The following MSH3 variants were observed in gnomAD, a reference collection of about 807,000 sequenced individuals.
The protein encoded by MSH3 is DNA mismatch repair protein Msh3.
MSH3 carries 106 observed loss-of-function variants against 123.3 expected under a neutral mutation model. The ratio of observed to expected loss-of-function variants is 0.86; its 90% CI spans 0.73 to 1.01. MSH3 has a LOEUF of 1.01. Among genes scored for constraint, MSH3 ranks in the 50% least tolerant of loss-of-function variants. The probability of loss-of-function intolerance (pLI) is 0.00; values close to 1 mark genes in which losing one functional copy is unlikely to be tolerated. For synonymous variants in MSH3, 515 were observed against 481.4 expected (o/e 1.07, Z -0.91); for missense variants, 1,459 against 1,347.6 (o/e 1.08, Z -1.29).
intron 20 of MSH3, among the ~76,000 whole-genome samples, chr5:80,844,644 C>G (rs928136334): frequency 1.3e-5 from 2 of 152,092 alleles, no homozygotes; most frequent in East Asian, 3.8e-4. Flanking sequence ...ATCCCTTTAC[C>G]ACTGTGTAAT....
intron 20 of MSH3, among the ~76,000 whole-genome samples, chr5:80,845,994 C>T (rs764045476): frequency 3.9e-5 from 6 of 152,070 alleles, no homozygotes; most frequent in African/African-American, 1.4e-4. Flanking sequence ...CTCTGGTTTT[C>T]GGAAGTTTCT....
rs1680563146 is a variant in MSH3, at chr5:80,670,291, C to T, written c.774C>T (p.Phe258=). The part of the protein sequence containing the change: ...LCVECGYKYR[F]FGEDAEIAAR... Reference sequence around the variant, plus strand: ...TGGAATGTGGATATAAGTATAGATTCTTTGGGGAAGATGCAGAGGTAAGTC... The same window carrying T: ...TGGAATGTGGATATAAGTATAGATTTTTTGGGGAAGATGCAGAGGTAAGTC... Residue 258 remains phenylalanine (F), a synonymous_variant, in exon 4 of 24, where the codon TTC becomes TTT. Coordinates refer to ENST00000265081, the MANE Select transcript of MSH3 (RefSeq NM_002439.5). 2.5e-6 allele frequency: 4 copies of T among 1,613,934 alleles called. 1 individual carries two copies. The Admixed American group carries it at 6.7e-5, about 27-fold the overall frequency.
At chr5:80,666,729 G>A (rs1677639) in intron 3 of MSH3, among the ~76,000 whole-genome samples, 41,991 of 151,912 alleles carry the variant, frequency 0.28, 5,986 homozygotes, top group Middle Eastern at 0.35. Context: ...CATTATTACA[G>A]GTGATAAGCT....
chr5:80,752,733 A>G (rs539455469), intron 12 of MSH3, among the ~76,000 whole-genome samples: 2 of 152,312 alleles, frequency 1.3e-5, no homozygotes, highest in South Asian at 4.1e-4. Context: ...TTAGAATACC[A>G]AAAAATTGGA....
intron 21 of MSH3, chr5:80,855,873 C>CTTTTTTTTTTTTTTTT (rs5869058): frequency 1.4e-4 from 15 of 107,134 alleles, no homozygotes; most frequent in South Asian, 3.3e-4. Context: ...TCCTCCTCCT[C>CTTTTTTTTTTTTTTTT]TTTTTTTTTT....
chr5:80,761,774 T>C (rs1434832868), intron 13 of MSH3, 96 bp downstream of exon 13: 2 of 1,374,228 alleles, frequency 1.5e-6, no homozygotes, highest in Admixed American at 3.7e-5. Context: ...ATTATTATTT[T>C]ATTTTGTAAA....
At chr5:80,729,595 T>G (rs1228583104) in intron 10 of MSH3, among the ~76,000 whole-genome samples, 2 of 152,172 alleles carry the variant, frequency 1.3e-5, no homozygotes, top group South Asian at 2.1e-4. Context: ...AAAGCATTCA[T>G]AAAAATTTAC....
At chr5:80,771,017 A>T (rs1744205609) in intron 15 of MSH3, among the ~76,000 whole-genome samples, 1 of 152,226 alleles carries the variant, frequency 6.6e-6, no homozygotes, top group African/African-American at 2.4e-5. Flanking sequence ...TTTGAGGAAC[A>T]AAGTTTCTTC....
Position 80,656,366 on chromosome 5 carries a change from C to T in MSH3, c.238-45C>T, listed in dbSNP as rs760301788. ...AATTGCTTCACATACGTCAGGCCTTCTCAGAGTAGAGATAACACATCATTT... is the reference window on the plus strand; with the variant it reads ...AATTGCTTCACATACGTCAGGCCTTTTCAGAGTAGAGATAACACATCATTT... On this transcript the variant is annotated intron_variant, in intron 1 of 23. Transcript: ENST00000265081. 5.6e-6 allele frequency: 9 copies of T among 1,612,566 alleles called. No homozygotes were observed. The Admixed American group carries it at 1.3e-4, about 24-fold the overall frequency.
chr5:80,809,393 C>G (rs1744966983), intron 19 of MSH3, among the ~76,000 whole-genome samples: 1 of 151,948 alleles, frequency 6.6e-6, no homozygotes. Context: ...ATTATTGATT[C>G]TTATTGTGTG....
chr5:80,865,085 G>C, intron 22 of MSH3, 143 bp downstream of exon 22: 1 of 909,306 alleles, frequency 1.1e-6, no homozygotes, highest in South Asian at 1.4e-5. Flanking sequence ...ATTCATTTTT[G>C]CTAAGCTTTA....
rs761077637 is a variant in MSH3 at position 80,768,107 on chromosome 5, G to A, written c.2071G>A (p.Glu691Lys). ...PVEHYLKILN[E>K]QAAKVGDKTE... The stretch of plus-strand genomic sequence containing the variant: ...GGAGCATTACTTAAAGATACTCAAT[G>A]AACAAGCTGCCAAGTAAGTACCAGA... Residue 691 changes from glutamate to lysine, a missense_variant, in exon 14 of 24, where the codon GAA becomes AAA. Coordinates refer to ENST00000265081, the MANE Select transcript of MSH3 (RefSeq NM_002439.5). 6.2e-7 allele frequency: 1 copy of A among 1,613,614 alleles called. No individual in the cohort carries two copies. The highest frequency in any genetic ancestry group is 2.2e-5 in the East Asian group (1 of 44,818).
At position 80,761,762 on chromosome 5, in the gene MSH3, C is replaced by G. The variant is rs878932925; in HGVS notation, c.1896+84C>G. On this transcript the variant is annotated intron_variant, in intron 13 of 23. Transcript: ENST00000265081. ...TATTAAAAGAAAACTTTTGAGAGCT[C>G]TATTATTATTTTATTTTGTAAAATC... The G allele has an allele frequency of 5.0e-5, 72 of 1,434,678 alleles. 1 individual carries two copies. In the South Asian group the frequency reaches 6.2e-4, roughly 12 times the overall value. The allele number at this position is 1,434,678 out of a possible 1,614,324, so 88.9% of individuals were successfully genotyped here.
chr5:80,771,477 CAAAA>C (rs61460666), intron 15 of MSH3, among the ~76,000 whole-genome samples: 3 of 99,478 alleles, frequency 3.0e-5, no homozygotes, highest in African/African-American at 3.5e-5. Context: ...AACCCTGTCT[CAAAA>C]AAAAAAAAAA....
intron 20 of MSH3, among the ~76,000 whole-genome samples, chr5:80,840,926 T>C (rs1231897773): frequency 2.9e-4 from 44 of 151,778 alleles, no homozygotes; most frequent in Non-Finnish European, 1.5e-4. Context: ...TTTAATATAC[T>C]TTAAGTTCTA....
intron 12 of MSH3, among the ~76,000 whole-genome samples, chr5:80,750,078 A>AGT (rs57762095): frequency 0.026 from 3,514 of 134,152 alleles, 61 homozygotes; most frequent in South Asian, 0.035. Context: ...AGTATTCCAG[A>AGT]GTGTGTGTGT....
chr5:80,801,471 A>C (rs1230000259), intron 19 of MSH3, among the ~76,000 whole-genome samples: 1 of 152,140 alleles, frequency 6.6e-6, no homozygotes, highest in Non-Finnish European at 1.5e-5. Flanking sequence ...CCATGTTGTC[A>C]CCTACAAATA....
Position 80,679,103 on chromosome 5 carries a change from C to A in MSH3, c.1340+10C>A, listed in dbSNP as rs1749909504. 6.2e-7 allele frequency: 1 copy of A among 1,613,342 alleles called. No individual in the cohort carries two copies. Among genetic ancestry groups the A allele is most frequent in the African/African-American group, 1.3e-5 (1 of 74,982 alleles). Reference sequence around the variant, plus strand: ...GAGCCACATCTGTTAGGTAAGTTGGCACATCACTGGAATATAATACCGATT... The same window carrying A: ...GAGCCACATCTGTTAGGTAAGTTGGAACATCACTGGAATATAATACCGATT... On this transcript the variant is annotated intron_variant, in intron 8 of 23. Coordinates refer to ENST00000265081, the MANE Select transcript of MSH3 (RefSeq NM_002439.5).
At chr5:80,810,618 A>G (rs1423791997) in intron 19 of MSH3, among the ~76,000 whole-genome samples, 2 of 152,110 alleles carry the variant, frequency 1.3e-5, no homozygotes, top group African/African-American at 2.4e-5. Context: ...ATACATGTCA[A>G]TCTGTTTCTG....
Sources: allele counts gnomAD v4.1 joint callset (sites outside exome capture counted in the v4.1 genomes callset), GRCh38; gene constraint gnomAD v4.1.1; transcripts MANE v1.5; gene names NCBI Gene and HGNC (gene_info 2026-07-23, HGNC 2026-07-21).